Variants in GRID2 observed in about 807,000 individuals in gnomAD.
GRID2 encodes the protein glutamate receptor ionotropic, delta-2.
GRID2 carries 33 observed loss-of-function variants against 114.8 expected under a neutral mutation model. That is an observed-to-expected ratio of 0.29 (90% CI 0.22 to 0.38). GRID2 has a LOEUF of 0.38. GRID2 is among the 10% of genes least tolerant of loss of function. The probability of loss-of-function intolerance (pLI) is 1.00; values close to 1 mark genes in which losing one functional copy is unlikely to be tolerated. For missense variants in GRID2, 1,184 were observed against 1,257.7 expected (o/e 0.94, Z 0.89); for synonymous variants, 505 against 449.9 (o/e 1.12, Z -1.55).
At chr4:92,538,751 A>T (rs1458586063) in intron 1 of GRID2, among the ~76,000 whole-genome samples, 1 of 152,176 alleles carries the variant, frequency 6.6e-6, no homozygotes, top group Non-Finnish European at 1.5e-5. Context: ...TATTAAATGG[A>T]TACATTAATG....
intron 13 of GRID2, among the ~76,000 whole-genome samples, chr4:93,533,155 G>A (rs994568616): frequency 1.3e-5 from 2 of 151,762 alleles, no homozygotes; most frequent in Non-Finnish European, 2.9e-5. Flanking sequence ...TCACTTGATA[G>A]CAAATTCATT....
chr4:92,721,081 CTA>C (rs998072752), intron 2 of GRID2, among the ~76,000 whole-genome samples: 5 of 151,996 alleles, frequency 3.3e-5, no homozygotes, highest in African/African-American at 1.2e-4. Flanking sequence ...TATGATTCTA[CTA>C]TATGAGACAC....
At chr4:93,030,364 T>C (rs1724288645) in intron 2 of GRID2, among the ~76,000 whole-genome samples, 1 of 151,922 alleles carries the variant, frequency 6.6e-6, no homozygotes, top group East Asian at 1.9e-4. Context: ...CAGTTGAGGT[T>C]GATGCTCGTA....
At chr4:92,836,486 G>A (rs993201811) in intron 2 of GRID2, among the ~76,000 whole-genome samples, 1 of 151,902 alleles carries the variant, frequency 6.6e-6, no homozygotes, top group Non-Finnish European at 1.5e-5. Context: ...CACTTGGATG[G>A]TACATGGCAA....
intron 2 of GRID2, among the ~76,000 whole-genome samples, chr4:92,688,227 T>C (rs954247456): frequency 7.9e-5 from 12 of 151,230 alleles, no homozygotes; most frequent in Non-Finnish European, 1.5e-4. Context: ...TTTTGATTTT[T>C]TTAGTAGTAA....
At chr4:92,952,158 G>A (rs879467723) in intron 2 of GRID2, among the ~76,000 whole-genome samples, 2 of 152,146 alleles carry the variant, frequency 1.3e-5, no homozygotes, top group African/African-American at 2.4e-5. Flanking sequence ...GACTTAGCCC[G>A]GTGATATTTG....
chr4:93,706,894 T>C (rs1374695260), intron 14 of GRID2, among the ~76,000 whole-genome samples: 2 of 152,100 alleles, frequency 1.3e-5, no homozygotes, highest in African/African-American at 2.4e-5. Context: ...CTTTCTATAC[T>C]CAGTTTTGTG....
At chr4:93,449,050 A>C (rs193114260) in intron 10 of GRID2, among the ~76,000 whole-genome samples, 1 of 147,384 alleles carries the variant, frequency 6.8e-6, no homozygotes, top group African/African-American at 2.5e-5. Flanking sequence ...GCATTTCTTC[A>C]ATCCTTACTT....
intron 1 of GRID2, among the ~76,000 whole-genome samples, chr4:92,589,062 C>T (rs369329212): frequency 6.6e-6 from 1 of 152,148 alleles, no homozygotes; most frequent in Non-Finnish European, 1.5e-5. Flanking sequence ...GCTGAAATCA[C>T]GCCATTGCAC....
rs1254538550 is a variant in GRID2 at position 92,709,580 on chromosome 4, AAAAAAAAAAAT to A, written c.244+119296_244+119306del. On this transcript the variant is annotated intron_variant, in intron 2 of 15. Transcript: ENST00000282020. ...CCTCAAAATAGTGTAGAGAAAAAAA[AAAAAAAAAAAT>A]ATATATATATATATATATGTAATTT... 5.5e-3 allele frequency among the ~76,000 whole-genome samples: 716 copies of A among 130,812 alleles called. 4 individuals carry two copies. Among genetic ancestry groups the A allele is most frequent in the African/African-American group, 0.02 (673 of 33,908 alleles). The allele number at this position is 130,812 out of a possible 152,430, so 85.8% of individuals were successfully genotyped here.
At chr4:93,282,446 A>G (rs937200079) in intron 8 of GRID2, 1 of 427,776 alleles carries the variant, frequency 2.3e-6, no homozygotes, top group Non-Finnish European at 4.6e-6. Context: ...GCATCATCTT[A>G]TGGAAGAAAA....
intron 1 of GRID2, among the ~76,000 whole-genome samples, chr4:92,322,587 G>A (rs941316755): frequency 6.6e-6 from 1 of 151,834 alleles, no homozygotes; most frequent in Non-Finnish European, 1.5e-5. Context: ...TTGCTGTTGG[G>A]GTGAAAAAGA....
At chr4:93,624,116 G>T (rs1405610761) in intron 13 of GRID2, among the ~76,000 whole-genome samples, 1 of 152,004 alleles carries the variant, frequency 6.6e-6, no homozygotes, top group Admixed American at 6.6e-5. Flanking sequence ...AATGTACATA[G>T]ATATTTTTAC....
rs375102793 is a variant in GRID2 at position 93,509,878 on chromosome 4, C to T, written c.1998-5338C>T. 4.6e-5 allele frequency among the ~76,000 whole-genome samples: 7 copies of T among 152,206 alleles called. No individual in the cohort carries two copies. The East Asian group carries it at 7.7e-4, about 17-fold the overall frequency. On this transcript the variant is annotated intron_variant, in intron 12 of 15. Coordinates refer to ENST00000282020, the MANE Select transcript of GRID2 (RefSeq NM_001510.4). ...CTTTTTATGCTGGAAAACTTGTCAC[C>T]GCACTTCATAGGACAGCTCTCAGCT...
chr4:93,551,324 G>T lies in GRID2; in HGVS notation c.2193+35913G>T, dbSNP rs1733731697. 3.3e-5 allele frequency among the ~76,000 whole-genome samples: 5 copies of T among 152,290 alleles called. No individual in the cohort carries two copies. In the South Asian group the frequency reaches 8.3e-4, roughly 25 times the overall value. On this transcript the variant is annotated intron_variant, in intron 13 of 15. Coordinates refer to ENST00000282020, the MANE Select transcript of GRID2 (RefSeq NM_001510.4). The stretch of plus-strand genomic sequence containing the variant: ...GGGGATGGAGGTTAGATATGTAGGT[G>T]TAAGAAGGCTGCCATAGGGAGGCAG...
intron 2 of GRID2, among the ~76,000 whole-genome samples, chr4:92,952,093 G>C (rs1181653828): frequency 6.6e-6 from 1 of 152,094 alleles, no homozygotes; most frequent in Non-Finnish European, 1.5e-5. Flanking sequence ...TTGATCAAAG[G>C]GTAAATGCAT....
At chr4:92,321,060 C>T (rs990803716) in intron 1 of GRID2, among the ~76,000 whole-genome samples, 1 of 152,082 alleles carries the variant, frequency 6.6e-6, no homozygotes, top group Non-Finnish European at 1.5e-5. Flanking sequence ...AATAGAATTA[C>T]ATAGAAGGAT....
chr4:93,632,756 A>C (rs1182437443), intron 14 of GRID2, among the ~76,000 whole-genome samples: 1 of 152,198 alleles, frequency 6.6e-6, no homozygotes, highest in Non-Finnish European at 1.5e-5. Flanking sequence ...CTGTGAAGAA[A>C]GTCATTGGTA....
intron 2 of GRID2, among the ~76,000 whole-genome samples, chr4:92,630,283 A>C (rs764483126): frequency 3.3e-5 from 5 of 152,120 alleles, no homozygotes; most frequent in Non-Finnish European, 7.4e-5. Context: ...CTTGTACTTC[A>C]TCACAAACTC....
Sources: allele counts gnomAD v4.1 joint callset (sites outside exome capture counted in the v4.1 genomes callset), GRCh38; gene constraint gnomAD v4.1.1; transcripts MANE v1.5; gene names NCBI Gene and HGNC (gene_info 2026-07-23, HGNC 2026-07-21).